The following SUMF1 variants were observed in gnomAD, a reference collection of about 807,000 sequenced individuals.
The protein encoded by SUMF1 is formylglycine-generating enzyme.
Under a neutral mutation model 47.6 loss-of-function variants are expected in SUMF1, and 48 were observed. The ratio of observed to expected loss-of-function variants is 1.01; its 90% CI spans 0.80 to 1.28. The LOEUF is 1.28. Ranked by LOEUF, SUMF1 falls within the 50% of genes most tolerant of loss-of-function variation. The pLI, the probability that SUMF1 is intolerant of heterozygous loss-of-function variation, is 0.00. For synonymous variants in SUMF1, 230 were observed against 192.1 expected (o/e 1.20, Z -1.63); for missense variants, 571 against 485.4 (o/e 1.18, Z -1.66).
chr3:4,437,034 A>G (rs1229049320), intron 3 of SUMF1, among the ~76,000 whole-genome samples: 1 of 152,212 alleles, frequency 6.6e-6, no homozygotes, highest in Admixed American at 6.5e-5. Flanking sequence ...AGGTACTTAA[A>G]GATATTTCAA....
intron 8 of SUMF1, among the ~76,000 whole-genome samples, chr3:4,349,155 G>GA (rs1324935504): frequency 2.0e-5 from 3 of 151,686 alleles, no homozygotes; most frequent in Admixed American, 6.6e-5. Context: ...ATATTTACAA[G>GA]AAAAAAACAA....
chr3:4,383,645 T>G (rs1410829651), intron 7 of SUMF1, among the ~76,000 whole-genome samples: 4 of 152,220 alleles, frequency 2.6e-5, no homozygotes, highest in African/African-American at 9.7e-5. Context: ...AGGTTGGGTA[T>G]GTTTATTATA....
chr3:4,127,087 A>G (rs1335684139), intron 8 of SUMF1, among the ~76,000 whole-genome samples: 1 of 152,208 alleles, frequency 6.6e-6, no homozygotes, highest in African/African-American at 2.4e-5. Flanking sequence ...TGTCTATTTA[A>G]GCAAATAATA....
chr3:4,167,502 T>C lies in SUMF1; in HGVS notation c.1015-98757A>G, dbSNP rs183389122. ...TTACACAGTGCTGATTGGTACATTT[T>C]ACAAACCTCTCACTCCCTACAGAGC... On this transcript the variant is annotated intron_variant and NMD_transcript_variant, in intron 8 of 12. Transcript: ENST00000448413. Among the ~76,000 whole-genome samples the C allele has an allele frequency of 1.5e-4, 23 of 152,240 alleles. No individual in the cohort carries two copies. The East Asian group carries it at 4.5e-3, about 30-fold the overall frequency.
chr3:4,129,202 A>G (rs2125085179), intron 8 of SUMF1, among the ~76,000 whole-genome samples: 1 of 152,230 alleles, frequency 6.6e-6, no homozygotes, highest in Non-Finnish European at 1.5e-5. Context: ...ACAGTCACTC[A>G]ACTACAAAAT....
chr3:4,090,330 A>C (rs1364957740), intron 8 of SUMF1, among the ~76,000 whole-genome samples: 1 of 152,006 alleles, frequency 6.6e-6, no homozygotes, highest in Admixed American at 6.6e-5. Context: ...GTTTTCTCTC[A>C]CATTTGGAAG....
intron 8 of SUMF1, among the ~76,000 whole-genome samples, chr3:4,332,912 A>G (rs1699077938): frequency 6.6e-6 from 1 of 152,196 alleles, no homozygotes; most frequent in Non-Finnish European, 1.5e-5. Context: ...GGAGGCAACA[A>G]GCAGACAAAT....
chr3:4,136,803 T>C (rs1320777575), intron 8 of SUMF1, among the ~76,000 whole-genome samples: 4 of 151,446 alleles, frequency 2.6e-5, no homozygotes, highest in Admixed American at 2.0e-4. Context: ...CATCAAAAAG[T>C]GGGCAAAGGA....
intron 8 of SUMF1, chr3:4,312,901 A>T: frequency 6.2e-7 from 1 of 1,608,636 alleles, no homozygotes; most frequent in Non-Finnish European, 8.5e-7. Context: ...TTTACAGTAC[A>T]CTCCTGATCA....
In SUMF1 at chr3:4,317,534, A is replaced by T. The variant is rs78095534; in HGVS notation, c.1014+58796T>A. On this transcript the variant is annotated intron_variant and NMD_transcript_variant, in intron 8 of 12. Coordinates refer to the SUMF1 transcript ENST00000448413. Reference sequence around the variant, plus strand: ...CCTGACTCTAATAAAATAATTTTTTAAAAAAAGATTAAAACATGTACCTTG... The same window carrying T: ...CCTGACTCTAATAAAATAATTTTTTTAAAAAAGATTAAAACATGTACCTTG... 1,431 of 212,984 alleles carry T rather than the reference A, an allele frequency of 6.7e-3. 10 individuals carry two copies. The highest frequency in any genetic ancestry group is 0.01 in the Non-Finnish European group (1,077 of 106,156). 13.2% of individuals were successfully genotyped at this position (212,984 alleles called of 1,614,324 possible).
intron 1 of SUMF1, among the ~76,000 whole-genome samples, chr3:4,461,683 C>T (rs1422823889): frequency 6.6e-6 from 1 of 151,944 alleles, no homozygotes; most frequent in Admixed American, 6.6e-5. Context: ...CTGAATAAGC[C>T]AAGTTTCCAT....
At chr3:4,245,126 C>G (rs147885270) in intron 8 of SUMF1, among the ~76,000 whole-genome samples, 5 of 152,134 alleles carry the variant, frequency 3.3e-5, no homozygotes, top group African/African-American at 1.2e-4. Flanking sequence ...GTTATTCTAG[C>G]TAGCCATTCA....
At chr3:4,257,682 C>T (rs1434409710) in intron 8 of SUMF1, among the ~76,000 whole-genome samples, 1 of 150,260 alleles carries the variant, frequency 6.7e-6, no homozygotes, top group Non-Finnish European at 1.5e-5. Flanking sequence ...AATGGCCATA[C>T]TGCCCAAGGT....
intron 8 of SUMF1, among the ~76,000 whole-genome samples, chr3:4,192,977 T>C (rs1472563841): frequency 2.6e-5 from 4 of 152,126 alleles, no homozygotes; most frequent in African/African-American, 9.7e-5. Context: ...TTAGCTATTA[T>C]TATTAGAATA....
intron 7 of SUMF1, among the ~76,000 whole-genome samples, chr3:4,389,154 C>T (rs1288293891): frequency 1.3e-5 from 2 of 152,218 alleles, no homozygotes; most frequent in East Asian, 1.9e-4. Flanking sequence ...TGGCTAGCAA[C>T]AAATTCTCTC....
chr3:4,118,694 T>C (rs1305370473), intron 8 of SUMF1, among the ~76,000 whole-genome samples: 2 of 152,110 alleles, frequency 1.3e-5, no homozygotes, highest in South Asian at 2.1e-4. Flanking sequence ...CAGTTTCCAA[T>C]ACTCATGCTA....
At chr3:4,388,525 T>C (rs1174848818) in intron 7 of SUMF1, among the ~76,000 whole-genome samples, 3 of 152,124 alleles carry the variant, frequency 2.0e-5, no homozygotes, top group African/African-American at 7.2e-5. Flanking sequence ...CAATCTGTCT[T>C]TTTAACTGAT....
intron 4 of SUMF1, among the ~76,000 whole-genome samples, chr3:4,418,843 G>GA (rs1225318999): frequency 9.2e-5 from 14 of 151,814 alleles, no homozygotes; most frequent in East Asian, 7.7e-4. Context: ...GAAGTTTGGG[G>GA]AAAAAAAACT....
At chr3:4,429,556 A>G (rs1210145784) in intron 3 of SUMF1, among the ~76,000 whole-genome samples, 1 of 152,258 alleles carries the variant, frequency 6.6e-6, no homozygotes, top group Non-Finnish European at 1.5e-5. Flanking sequence ...AAACAACAAT[A>G]TAAATAATCT....
Sources: allele counts gnomAD v4.1 joint callset (sites outside exome capture counted in the v4.1 genomes callset), GRCh38; gene constraint gnomAD v4.1.1; transcripts MANE v1.5; gene names NCBI Gene and HGNC (gene_info 2026-07-23, HGNC 2026-07-21).